Variants in ZNF708 observed in about 807,000 individuals in gnomAD.
ZNF708 encodes ZNF15, ZNF15L1.
In ZNF708, 44 loss-of-function variants were observed where a neutral mutation model predicts 47.0. The observed-to-expected ratio is 0.94, with a 90% CI of 0.74 to 1.20. ZNF708 has a LOEUF of 1.20. Among genes scored for constraint, ZNF708 ranks in the 50% most tolerant of loss-of-function variants. The pLI is 0.00. For synonymous variants in ZNF708, 184 were observed against 218.5 expected, an observed-to-expected ratio of 0.84 and a Z score of 1.39; for missense variants, 557 against 656.0, an observed-to-expected ratio of 0.85 and a Z score of 1.65.
chr19:21,317,252 C>G (rs1973034936), intron 1 of ZNF708, among the ~76,000 whole-genome samples: 1 of 152,018 alleles, frequency 6.6e-6, no homozygotes, highest in African/African-American at 2.4e-5. Flanking sequence ...TGCACTCCAG[C>G]CTGGGCAATG....
chr19:21,309,150 G>A, intron 3 of ZNF708, 96 bp downstream of exon 3: 3 of 1,213,812 alleles, frequency 2.5e-6, no homozygotes, highest in Non-Finnish European at 3.4e-6. Flanking sequence ...TAGAAACTTT[G>A]GAACACAGAT....
chr19:21,297,256 ATATATATATATATATTTTTTTTT>A (rs1236045083), intron 3 of ZNF708, among the ~76,000 whole-genome samples: 1 of 14,134 alleles, frequency 7.1e-5, no homozygotes, highest in African/African-American at 2.1e-4. Context: ...ATATATATAT[ATATATATATATATATTTTTTTTT>A]TTTTTTTTTT....
At chr19:21,325,297 A>G (rs1263332274) in intron 1 of ZNF708, among the ~76,000 whole-genome samples, 1 of 152,210 alleles carries the variant, frequency 6.6e-6, no homozygotes, top group East Asian at 1.9e-4. Context: ...GAGGCATAAC[A>G]TTACCTGATT....
intron 3 of ZNF708, among the ~76,000 whole-genome samples, chr19:21,305,637 T>G (rs1441117695): frequency 2.0e-5 from 3 of 151,646 alleles, no homozygotes; most frequent in Non-Finnish European, 4.4e-5. Context: ...TTTCGTATTT[T>G]TTTTTAGTAG....
intron 1 of ZNF708, among the ~76,000 whole-genome samples, chr19:21,323,776 CT>C (rs1973199876): frequency 6.6e-6 from 1 of 152,176 alleles, no homozygotes; most frequent in Non-Finnish European, 1.5e-5. Flanking sequence ...AGGATAAAGA[CT>C]TCTATGGCTG....
intron 1 of ZNF708, among the ~76,000 whole-genome samples, chr19:21,328,294 C>T (rs188089853): frequency 6.6e-6 from 1 of 152,052 alleles, no homozygotes; most frequent in East Asian, 1.9e-4. Flanking sequence ...TAAGTGCCAT[C>T]CAATGCTTTG....
intron 3 of ZNF708, among the ~76,000 whole-genome samples, chr19:21,296,466 C>T (rs1972528731): frequency 6.6e-6 from 1 of 151,994 alleles, no homozygotes; most frequent in South Asian, 2.1e-4. Flanking sequence ...CATGCCATTG[C>T]ACTCAAGCTT....
At chr19:21,300,446 C>T (rs8110470) in intron 3 of ZNF708, among the ~76,000 whole-genome samples, 29,513 of 146,644 alleles carry the variant, frequency 0.2, 3,164 homozygotes, top group Non-Finnish European at 0.25. Flanking sequence ...GCGGAGGTTG[C>T]GGTGAGCTGA....
At chr19:21,304,734 G>T (rs532131454) in intron 3 of ZNF708, among the ~76,000 whole-genome samples, 4 of 152,076 alleles carry the variant, frequency 2.6e-5, no homozygotes, top group African/African-American at 9.7e-5. Flanking sequence ...AAATTAACCA[G>T]GGGTAGTAGT....
Position 21,309,341 on chromosome 19 carries a change from C to G in ZNF708, c.131G>C (p.Gly44Ala). The change falls in exon 3 of 4, where the codon GGT becomes GCT. Residue 44 changes from glycine to alanine, a missense_variant and splice_region_variant. Transcript: ENST00000356929. ...CAGGTCTAAATTAGACACAGCAATA[C>G]CTGTTTTATTAAAAATAAATAACGT... ...LENYRNLVFL[G>A]IAVSNLDLIT... 6 of 1,576,630 alleles carry G rather than the reference C, an allele frequency of 3.8e-6. No homozygotes were observed. Among genetic ancestry groups the G allele is most frequent in the Non-Finnish European group, 2.6e-6 (3 of 1,163,830 alleles).
chr19:21,313,287 CAAAA>C (rs34027483), intron 1 of ZNF708, among the ~76,000 whole-genome samples: 5 of 89,838 alleles, frequency 5.6e-5, no homozygotes, highest in African/African-American at 1.4e-4. Flanking sequence ...GACCCTGTCT[CAAAA>C]AAAAAAAAAA....
intron 3 of ZNF708, among the ~76,000 whole-genome samples, chr19:21,306,225 G>T (rs2145163142): frequency 6.6e-6 from 1 of 151,918 alleles, no homozygotes; most frequent in Admixed American, 6.6e-5. Flanking sequence ...TAACCATTAA[G>T]ATTTAACTGC....
At chr19:21,318,859 T>C (rs1973069292) in intron 1 of ZNF708, 1 of 152,172 alleles carries the variant, frequency 6.6e-6, no homozygotes. Flanking sequence ...TCCAATTTAG[T>C]AAAATGAAAG....
At chr19:21,321,966 C>G in intron 1 of ZNF708, among the ~76,000 whole-genome samples, 1 of 151,954 alleles carries the variant, frequency 6.6e-6, no homozygotes, top group Middle Eastern at 3.4e-3. Flanking sequence ...GGGCTGTACT[C>G]TAATTTATTT....
At chr19:21,328,198 G>T in intron 1 of ZNF708, 1 of 159,294 alleles carries the variant, frequency 6.3e-6, no homozygotes, top group Non-Finnish European at 1.3e-5. Context: ...AAAAAAAAAA[G>T]CCATAGAAAT....
At chr19:21,323,770 TAA>T (rs1973199519) in intron 1 of ZNF708, among the ~76,000 whole-genome samples, 1 of 152,162 alleles carries the variant, frequency 6.6e-6, no homozygotes, top group South Asian at 2.1e-4. Flanking sequence ...TCTCCCAGGA[TAA>T]AGACTTCTAT....
At chr19:21,296,228 C>G (rs1414840376) in intron 3 of ZNF708, among the ~76,000 whole-genome samples, 3 of 151,874 alleles carry the variant, frequency 2.0e-5, no homozygotes, top group African/African-American at 7.3e-5. Context: ...TGGCCGGGCA[C>G]AGTGGCTCGT....
chr19:21,306,759 A>G (rs1411749865), intron 3 of ZNF708: 1 of 152,084 alleles, frequency 6.6e-6, no homozygotes, highest in African/African-American at 2.4e-5. Flanking sequence ...CTTGACCAAC[A>G]TGGTGAAACC....
intron 3 of ZNF708, among the ~76,000 whole-genome samples, chr19:21,302,841 T>G (rs552430415): frequency 6.6e-6 from 1 of 150,886 alleles, no homozygotes; most frequent in Non-Finnish European, 1.5e-5. Context: ...CTACATAGAA[T>G]AAACAAAAAT....
Sources: gnomAD v4.1 joint callset for allele counts (sites outside exome capture counted in the v4.1 genomes callset) on GRCh38, gnomAD v4.1.1 for gene constraint, MANE v1.5 for transcripts, NCBI Gene and HGNC (gene_info 2026-07-23, HGNC 2026-07-21) for gene names.